The following UTRN variants were observed in gnomAD, a reference collection of about 807,000 sequenced individuals.
The protein encoded by UTRN is dystrophin-related protein 1.
UTRN carries 283 observed loss-of-function variants against 463.9 expected under a neutral mutation model. The ratio of observed to expected loss-of-function variants is 0.61; its 90% CI spans 0.55 to 0.67. UTRN has a LOEUF of 0.67. UTRN is among the 30% of genes least tolerant of loss of function. UTRN has a pLI of 0.00. For synonymous variants in UTRN, 1,442 were observed against 1,431.5 expected (o/e 1.01, Z -0.17); for missense variants, 3,922 against 4,084.3 (o/e 0.96, Z 1.08).
At chr6:144,795,408 A>G (rs1309163210) in intron 63 of UTRN, among the ~76,000 whole-genome samples, 5 of 152,160 alleles carry the variant, frequency 3.3e-5, no homozygotes, top group Non-Finnish European at 7.3e-5. Context: ...TTCTGGGTCA[A>G]ATGGTATTTC....
At chr6:144,290,951 T>G (rs1804187898) in intron 1 of UTRN, among the ~76,000 whole-genome samples, 1 of 150,450 alleles carries the variant, frequency 6.6e-6, no homozygotes. Flanking sequence ...TTTTTTTGTA[T>G]TTTTAGTAGA....
chr6:144,630,435 A>C (rs1446361693), intron 51 of UTRN, among the ~76,000 whole-genome samples: 2 of 152,208 alleles, frequency 1.3e-5, no homozygotes, highest in African/African-American at 2.4e-5. Flanking sequence ...TCGTGGTGGA[A>C]GGCAAAGGAG....
intron 51 of UTRN, among the ~76,000 whole-genome samples, chr6:144,601,201 G>A (rs1257884603): frequency 6.6e-6 from 1 of 150,960 alleles, no homozygotes; most frequent in Non-Finnish European, 1.5e-5. Flanking sequence ...CATGGATCGA[G>A]ATGATATTTT....
intron 34 of UTRN, among the ~76,000 whole-genome samples, chr6:144,509,912 G>T (rs949683513): frequency 6.6e-6 from 1 of 152,128 alleles, no homozygotes; most frequent in African/African-American, 2.4e-5. Flanking sequence ...AGAAATGAAA[G>T]ATTCTTATTA....
intron 51 of UTRN, among the ~76,000 whole-genome samples, chr6:144,634,861 A>G (rs1382281219): frequency 6.6e-6 from 1 of 152,066 alleles, no homozygotes; most frequent in East Asian, 1.9e-4. Flanking sequence ...CTTTCTCTTC[A>G]TTGATAAATA....
chr6:144,465,380 A>G (rs1190521573), intron 23 of UTRN, among the ~76,000 whole-genome samples: 1 of 152,224 alleles, frequency 6.6e-6, no homozygotes, highest in East Asian at 1.9e-4. Flanking sequence ...GTTGCTATTA[A>G]TGTAGCAAAT....
chr6:144,561,246 TATATATATATATATAC>T (rs66468621), intron 50 of UTRN, among the ~76,000 whole-genome samples: 1,014 of 76,500 alleles, frequency 0.013, 46 homozygotes, highest in South Asian at 0.054. Context: ...TATATATATA[TATATATATATATATAC>T]ATACACACAC....
At chr6:144,745,423 T>C (rs1304862163) in intron 54 of UTRN, among the ~76,000 whole-genome samples, 2 of 152,322 alleles carry the variant, frequency 1.3e-5, no homozygotes, top group East Asian at 3.9e-4. Flanking sequence ...TTTACTTTGC[T>C]CTGTGCTTGG....
At chr6:144,849,829 T>C (rs757676792) in intron 74 of UTRN, among the ~76,000 whole-genome samples, 15 of 152,192 alleles carry the variant, frequency 9.9e-5, no homozygotes, top group Non-Finnish European at 2.1e-4. Context: ...CTCTTGGCTT[T>C]ATATTTAACA....
At chr6:144,708,675 A>G (rs1229948082) in intron 53 of UTRN, among the ~76,000 whole-genome samples, 5 of 152,118 alleles carry the variant, frequency 3.3e-5, no homozygotes, top group Non-Finnish European at 1.5e-5. Flanking sequence ...GTTATCCCAA[A>G]TCTCAGGTTG....
chr6:144,480,101 G>T (rs1791691815), intron 26 of UTRN, 119 bp downstream of exon 26: 3 of 1,217,366 alleles, frequency 2.5e-6, no homozygotes, highest in Admixed American at 3.3e-5. Context: ...TTTCACAGTA[G>T]GTTTTTGAAT....
At chr6:144,689,590 C>T (rs1234210271) in intron 52 of UTRN, among the ~76,000 whole-genome samples, 2 of 152,182 alleles carry the variant, frequency 1.3e-5, no homozygotes, top group Non-Finnish European at 2.9e-5. Flanking sequence ...CCCATTTGGA[C>T]TGCCACAGTC....
At chr6:144,782,978 C>T (rs1001075860) in intron 61 of UTRN, among the ~76,000 whole-genome samples, 2 of 151,978 alleles carry the variant, frequency 1.3e-5, no homozygotes, top group Non-Finnish European at 2.9e-5. Context: ...GGTGGATCAC[C>T]TGAGGTTAGG....
chr6:144,765,655 C>T (rs767352132), intron 58 of UTRN, among the ~76,000 whole-genome samples: 1 of 152,174 alleles, frequency 6.6e-6, no homozygotes, highest in Non-Finnish European at 1.5e-5. Context: ...AAGCAGTCCT[C>T]CTGCTTTGGC....
chr6:144,366,730 G>A (rs1327215058), intron 2 of UTRN, among the ~76,000 whole-genome samples: 1 of 152,094 alleles, frequency 6.6e-6, no homozygotes, highest in Non-Finnish European at 1.5e-5. Flanking sequence ...GTGTCATCAT[G>A]ATGGAATGAT....
intron 51 of UTRN, among the ~76,000 whole-genome samples, chr6:144,638,336 T>A (rs964092090): frequency 2.0e-5 from 3 of 152,230 alleles, no homozygotes; most frequent in African/African-American, 7.2e-5. Context: ...TTCTTTGAAA[T>A]GTATTTAAAT....
At chr6:144,811,691 G>C (rs1157324072) in intron 65 of UTRN, among the ~76,000 whole-genome samples, 1 of 151,040 alleles carries the variant, frequency 6.6e-6, no homozygotes. Flanking sequence ...ATTTCAACTT[G>C]TTGAAATCAT....
chr6:144,705,469 T>C (rs1784994570), intron 53 of UTRN, among the ~76,000 whole-genome samples: 1 of 152,124 alleles, frequency 6.6e-6, no homozygotes, highest in Admixed American at 6.5e-5. Flanking sequence ...ACTAGTAGAT[T>C]TGGTGTCTGC....
intron 38 of UTRN, among the ~76,000 whole-genome samples, chr6:144,516,597 A>C (rs1795629860): frequency 1.3e-5 from 2 of 152,058 alleles, no homozygotes. Context: ...CATAATCCTT[A>C]GTATTATCTA....
Sources: gnomAD v4.1 joint callset for allele counts (sites outside exome capture counted in the v4.1 genomes callset) on GRCh38, gnomAD v4.1.1 for gene constraint, MANE v1.5 for transcripts, NCBI Gene and HGNC (gene_info 2026-07-23, HGNC 2026-07-21) for gene names.